Variants in NRXN3 observed in about 807,000 individuals in gnomAD.
The protein encoded by NRXN3 is neurexin 3.
NRXN3 carries 32 observed loss-of-function variants against 137.6 expected under a neutral mutation model. That is an observed-to-expected ratio of 0.23 (90% CI 0.18 to 0.31). The LOEUF (loss-of-function observed/expected upper bound fraction) is 0.31, where lower values mean the gene tolerates loss of function less well. Ranked by LOEUF, NRXN3 falls within the 10% of genes least tolerant of loss-of-function variation. NRXN3 has a pLI of 1.00. For synonymous variants in NRXN3, 798 were observed against 784.5 expected (o/e 1.02, Z -0.29); for missense variants, 1,574 against 2,062.5 (o/e 0.76, Z 4.59).
chr14:78,927,725 T>C (rs113040221), intron 10 of NRXN3, among the ~76,000 whole-genome samples: 1,703 of 152,272 alleles, frequency 0.011, 16 homozygotes, highest in Middle Eastern at 0.051. Context: ...CAGGCAGGAT[T>C]ACCTATCTGA....
intron 9 of NRXN3, among the ~76,000 whole-genome samples, chr14:78,805,485 C>A (rs1012347630): frequency 4.0e-5 from 6 of 151,814 alleles, no homozygotes; most frequent in South Asian, 2.1e-4. Flanking sequence ...CTGGCATACC[C>A]CTGACCCTAC....
At chr14:79,286,821 T>C (rs958495435) in intron 15 of NRXN3, among the ~76,000 whole-genome samples, 8 of 152,110 alleles carry the variant, frequency 5.3e-5, no homozygotes, top group African/African-American at 1.4e-4. Flanking sequence ...CTAAGAAACA[T>C]TGTGAACTTA....
chr14:79,546,186 T>C (rs2097318179), intron 16 of NRXN3, among the ~76,000 whole-genome samples: 2 of 152,182 alleles, frequency 1.3e-5, no homozygotes, highest in Non-Finnish European at 2.9e-5. Flanking sequence ...GGATATGTCT[T>C]TATCAGCACC....
At position 79,867,371 on chromosome 14, in the gene NRXN3, C is replaced by T. The variant is rs1432154979; in HGVS notation, c.*5407C>T. On this transcript the variant is annotated 3_prime_UTR_variant, in exon 21 of 21. Transcript: ENST00000335750. The stretch of plus-strand genomic sequence containing the variant: ...TTTCTCAGTTCCAGAAACAAAGTTG[C>T]AGATCAAAGTTTGTTAGGGCTCAGT... 6.6e-6 allele frequency: 1 copy of T among 152,212 alleles called. No homozygotes were observed. 9.4% of individuals were successfully genotyped at this position (152,212 alleles called of 1,614,324 possible).
At chr14:79,087,042 T>C (rs2048258252) in intron 15 of NRXN3, among the ~76,000 whole-genome samples, 1 of 152,178 alleles carries the variant, frequency 6.6e-6, no homozygotes, top group Admixed American at 6.5e-5. Context: ...GTGGGAGTTC[T>C]GAGCTAAGGA....
intron 4 of NRXN3, among the ~76,000 whole-genome samples, chr14:78,551,493 C>T (rs2098518): frequency 6.6e-6 from 1 of 151,758 alleles, no homozygotes; most frequent in Non-Finnish European, 1.5e-5. Context: ...TTTGCTCTTC[C>T]TCTTCCCTTC....
chr14:79,267,907 T>C (rs901852014), intron 15 of NRXN3, among the ~76,000 whole-genome samples: 8 of 152,258 alleles, frequency 5.3e-5, no homozygotes, highest in African/African-American at 1.9e-4. Flanking sequence ...TCTTGCATTA[T>C]GTTCCATATA....
chr14:79,625,047 C>T (rs1355454019), intron 16 of NRXN3, among the ~76,000 whole-genome samples: 1 of 152,120 alleles, frequency 6.6e-6, no homozygotes, highest in Non-Finnish European at 1.5e-5. Context: ...GATTCTCCCA[C>T]CTCAGCCTCC....
At chr14:78,761,580 T>A (rs1456891124) in intron 8 of NRXN3, among the ~76,000 whole-genome samples, 1 of 152,174 alleles carries the variant, frequency 6.6e-6, no homozygotes, top group African/African-American at 2.4e-5. Context: ...AAAACTGAGC[T>A]TGAACTTTTA....
At chr14:79,090,992 C>A (rs2049056715) in intron 15 of NRXN3, among the ~76,000 whole-genome samples, 1 of 151,470 alleles carries the variant, frequency 6.6e-6, no homozygotes, top group South Asian at 2.1e-4. Flanking sequence ...AGGGAACTCA[C>A]AAGGAGGTGT....
chr14:79,024,831 T>C (rs2099595475), intron 15 of NRXN3, among the ~76,000 whole-genome samples: 1 of 152,188 alleles, frequency 6.6e-6, no homozygotes, highest in Non-Finnish European at 1.5e-5. Flanking sequence ...TCTCCTTTTT[T>C]CACTTGCTAA....
rs148133984 is a variant in NRXN3, at chr14:78,798,928, C to T, written c.2045-4692C>T. Among the ~76,000 whole-genome samples, 481 of 152,306 alleles carry T rather than the reference C, an allele frequency of 3.2e-3. 3 individuals carry two copies. The highest frequency in any genetic ancestry group is 0.011 in the African/African-American group (465 of 41,582). ...CACCAAGTCCCTAGGCTGCACACAG[C>T]GAGGGGTTTGGGGGTGTGGCTCAGC... On this transcript the variant is annotated intron_variant, in intron 8 of 20. Coordinates refer to ENST00000335750, the MANE Select transcript of NRXN3 (RefSeq NM_001330195.2).
rs143150539 is a variant in NRXN3, at chr14:78,613,107, A to G, written c.758-32013A>G. Among the ~76,000 whole-genome samples the G allele has an allele frequency of 3.3e-5, 5 of 151,674 alleles. No homozygotes were observed. The East Asian group carries it at 5.8e-4, about 18-fold the overall frequency. The stretch of plus-strand genomic sequence containing the variant: ...CCTTGACCAAAGGCCTGCCTTGCCA[A>G]TCAGCCTCCTTGCTATTAATATATT... On this transcript the variant is annotated intron_variant, in intron 4 of 20. Coordinates refer to ENST00000335750, the MANE Select transcript of NRXN3 (RefSeq NM_001330195.2).
intron 4 of NRXN3, among the ~76,000 whole-genome samples, chr14:78,429,881 A>G (rs2093808881): frequency 6.6e-6 from 1 of 152,230 alleles, no homozygotes; most frequent in East Asian, 1.9e-4. Flanking sequence ...ATCCCCTATG[A>G]TGAAAAGGAA....
At chr14:79,644,017 A>G (rs1239908922) in intron 16 of NRXN3, among the ~76,000 whole-genome samples, 1 of 135,754 alleles carries the variant, frequency 7.4e-6, no homozygotes, top group African/African-American at 2.4e-5. Context: ...CTTTGCACAT[A>G]GTGTGTGCCA....
At chr14:79,600,239 T>C (rs76465392) in intron 16 of NRXN3, among the ~76,000 whole-genome samples, 11,419 of 152,278 alleles carry the variant, frequency 0.075, 441 homozygotes, top group Middle Eastern at 0.14. Flanking sequence ...CGCTTTTATG[T>C]TCTTTCCTGT....
chr14:78,553,686 G>A (rs552932048), intron 4 of NRXN3, among the ~76,000 whole-genome samples: 84 of 152,348 alleles, frequency 5.5e-4, no homozygotes, highest in African/African-American at 2.0e-3. Flanking sequence ...TCTGAGGCTA[G>A]AGCTGCTTTG....
intron 8 of NRXN3, among the ~76,000 whole-genome samples, chr14:78,754,655 C>T (rs943292950): frequency 2.0e-5 from 3 of 152,080 alleles, no homozygotes; most frequent in Non-Finnish European, 4.4e-5. Context: ...GTGCGACTGC[C>T]ACACCAGTGG....
intron 16 of NRXN3, among the ~76,000 whole-genome samples, chr14:79,575,014 T>C (rs1328736972): frequency 6.6e-6 from 1 of 152,182 alleles, no homozygotes; most frequent in Non-Finnish European, 1.5e-5. Flanking sequence ...GTTGTTCATG[T>C]GTGTCTGTGA....
Sources: allele counts gnomAD v4.1 joint callset (sites outside exome capture counted in the v4.1 genomes callset), GRCh38; gene constraint gnomAD v4.1.1; transcripts MANE v1.5; gene names NCBI Gene and HGNC (gene_info 2026-07-23, HGNC 2026-07-21).